Variants in ADGRB3 observed in about 807,000 individuals in gnomAD.
ADGRB3 encodes the protein brain-specific angiogenesis inhibitor 3.
ADGRB3 carries 37 observed loss-of-function variants against 193.4 expected under a neutral mutation model. The ratio of observed to expected loss-of-function variants is 0.19; its 90% CI spans 0.15 to 0.25. The LOEUF is 0.25. Among genes scored for constraint, ADGRB3 ranks in the 10% least tolerant of loss-of-function variants. The pLI, the probability that ADGRB3 is intolerant of heterozygous loss-of-function variation, is 1.00. For synonymous variants in ADGRB3, 690 were observed against 644.2 expected (o/e 1.07, Z -1.08); for missense variants, 1,637 against 1,852.9 (o/e 0.88, Z 2.14).
intron 17 of ADGRB3, among the ~76,000 whole-genome samples, chr6:69,092,748 A>G (rs1170851023): frequency 6.6e-6 from 1 of 152,168 alleles, no homozygotes; most frequent in Non-Finnish European, 1.5e-5. Flanking sequence ...CAGGGAGGTC[A>G]CTCACAAGAA....
At chr6:68,709,017 G>A (rs2127314875) in intron 3 of ADGRB3, among the ~76,000 whole-genome samples, 1 of 152,144 alleles carries the variant, frequency 6.6e-6, no homozygotes, top group East Asian at 1.9e-4. Context: ...CTTTTAGTAA[G>A]GATTTGTTTA....
intron 13 of ADGRB3, among the ~76,000 whole-genome samples, chr6:69,028,939 A>T (rs545503029): frequency 6.2e-4 from 95 of 152,308 alleles, no homozygotes; most frequent in African/African-American, 2.2e-3. Flanking sequence ...GTTTTCACAA[A>T]TATTCATGAT....
chr6:68,715,150 T>G (rs1765468567), intron 3 of ADGRB3, among the ~76,000 whole-genome samples: 1 of 151,624 alleles, frequency 6.6e-6, no homozygotes, highest in Non-Finnish European at 1.5e-5. Context: ...AGAAAATAAT[T>G]GGAAAGTACA....
At chr6:69,125,246 C>T (rs1200753427) in intron 17 of ADGRB3, among the ~76,000 whole-genome samples, 5 of 152,166 alleles carry the variant, frequency 3.3e-5, no homozygotes, top group African/African-American at 1.2e-4. Flanking sequence ...CCTCTTCTTA[C>T]TTCAGCTCCT....
intron 17 of ADGRB3, among the ~76,000 whole-genome samples, chr6:69,160,687 G>A (rs1767099814): frequency 6.6e-6 from 1 of 151,854 alleles, no homozygotes; most frequent in Admixed American, 6.6e-5. Flanking sequence ...TTATCTGTTG[G>A]TTTGTTTGCT....
At chr6:69,251,982 T>C (rs532825799) in intron 20 of ADGRB3, among the ~76,000 whole-genome samples, 2 of 152,276 alleles carry the variant, frequency 1.3e-5, no homozygotes, top group South Asian at 4.1e-4. Flanking sequence ...GACCAATATA[T>C]ACTTATGTAA....
chr6:69,026,050 T>A (rs976940514), intron 13 of ADGRB3, among the ~76,000 whole-genome samples: 2 of 152,154 alleles, frequency 1.3e-5, no homozygotes, highest in African/African-American at 4.8e-5. Flanking sequence ...CTTTAAGAGG[T>A]CTCAGACAAT....
chr6:69,108,723 G>T (rs371053255), intron 17 of ADGRB3, among the ~76,000 whole-genome samples: 1 of 152,094 alleles, frequency 6.6e-6, no homozygotes, highest in East Asian at 1.9e-4. Flanking sequence ...ACAGGCAAGA[G>T]TCATCCAGGA....
At chr6:68,991,227 A>C (rs1257711809) in intron 10 of ADGRB3, among the ~76,000 whole-genome samples, 5 of 152,164 alleles carry the variant, frequency 3.3e-5, no homozygotes, top group Non-Finnish European at 5.9e-5. Context: ...CAACCTAAGC[A>C]TAGATGGAAG....
At chr6:69,280,594 G>A (rs1767413563) in intron 20 of ADGRB3, among the ~76,000 whole-genome samples, 1 of 152,138 alleles carries the variant, frequency 6.6e-6, no homozygotes, top group Admixed American at 6.5e-5. Context: ...AAGATTAAAT[G>A]AGTTAATGTA....
intron 30 of ADGRB3, among the ~76,000 whole-genome samples, chr6:69,379,190 G>T (rs1769895029): frequency 6.6e-6 from 1 of 151,946 alleles, no homozygotes; most frequent in South Asian, 2.1e-4. Context: ...TGTAGATATT[G>T]TCAATCAGAA....
intron 8 of ADGRB3, among the ~76,000 whole-genome samples, chr6:68,965,485 G>C (rs944703429): frequency 1.3e-5 from 2 of 151,964 alleles, no homozygotes; most frequent in South Asian, 4.1e-4. Context: ...CTATAGTTTA[G>C]AATCAATTTC....
At chr6:69,283,477 A>G (rs1767481742) in intron 20 of ADGRB3, among the ~76,000 whole-genome samples, 1 of 151,852 alleles carries the variant, frequency 6.6e-6, no homozygotes, top group Non-Finnish European at 1.5e-5. Flanking sequence ...GGGCTTCTTC[A>G]CTCCACCAGG....
chr6:69,181,556 G>A (rs770723653), intron 17 of ADGRB3, among the ~76,000 whole-genome samples: 2 of 151,894 alleles, frequency 1.3e-5, no homozygotes, highest in African/African-American at 4.8e-5. Flanking sequence ...ATTTTTTGGA[G>A]GCTTTTATAC....
At chr6:69,090,768 T>C (rs956065582) in intron 17 of ADGRB3, among the ~76,000 whole-genome samples, 1 of 152,192 alleles carries the variant, frequency 6.6e-6, no homozygotes, top group Non-Finnish European at 1.5e-5. Context: ...AAAGAAATAA[T>C]ATCTTGATCG....
At chr6:69,060,845 G>A (rs908875560) in intron 15 of ADGRB3, among the ~76,000 whole-genome samples, 1 of 151,964 alleles carries the variant, frequency 6.6e-6, no homozygotes, top group African/African-American at 2.4e-5. Flanking sequence ...ACTCTAAGCT[G>A]TATACACCAT....
At chr6:69,045,799 G>T (rs562256900) in intron 13 of ADGRB3, among the ~76,000 whole-genome samples, 4 of 152,122 alleles carry the variant, frequency 2.6e-5, no homozygotes, top group African/African-American at 9.6e-5. Flanking sequence ...TAATAAATAC[G>T]TGTTTATTTT....
intron 17 of ADGRB3, among the ~76,000 whole-genome samples, chr6:69,145,286 C>G (rs1020240979): frequency 3.3e-5 from 5 of 152,200 alleles, no homozygotes; most frequent in African/African-American, 7.2e-5. Flanking sequence ...GTGGGCAGCT[C>G]CAGGCACTGG....
At chr6:69,297,412 A>C (rs9360381) in intron 20 of ADGRB3, among the ~76,000 whole-genome samples, 53,929 of 115,938 alleles carry the variant, frequency 0.47, 11,031 homozygotes, top group East Asian at 0.83. Context: ...CTCTCTCTCT[A>C]TATATATATA....
Sources: gnomAD v4.1 joint callset for allele counts (sites outside exome capture counted in the v4.1 genomes callset) on GRCh38, gnomAD v4.1.1 for gene constraint, MANE v1.5 for transcripts, NCBI Gene and HGNC (gene_info 2026-07-23, HGNC 2026-07-21) for gene names.